ATP9B: variants seen among roughly 807,000 people sequenced by gnomAD.
ATP9B encodes probable phospholipid-transporting ATPase IIB.
ATP9B carries 110 observed loss-of-function variants against 146.1 expected under a neutral mutation model. The observed-to-expected ratio is 0.75, with a 90% CI of 0.65 to 0.88. The LOEUF (loss-of-function observed/expected upper bound fraction) is 0.88. ATP9B is among the 40% of genes least tolerant of loss of function. The pLI is 0.00. For synonymous variants in ATP9B, 604 were observed against 569.7 expected (o/e 1.06, Z -0.86); for missense variants, 1,499 against 1,496.4 (o/e 1.00, Z -0.03).
At chr18:79,175,740 GCA>G (rs2095155532) in intron 7 of ATP9B, among the ~76,000 whole-genome samples, 1 of 151,816 alleles carries the variant, frequency 6.6e-6, no homozygotes, top group South Asian at 2.1e-4. Context: ...ATACACACAA[GCA>G]CACACAAATA....
intron 1 of ATP9B, among the ~76,000 whole-genome samples, chr18:79,094,181 C>T (rs1279572649): frequency 1.3e-5 from 2 of 152,170 alleles, no homozygotes; most frequent in Admixed American, 1.3e-4. Context: ...CTTGTCAGGG[C>T]CTGTTGTGTA....
intron 1 of ATP9B, among the ~76,000 whole-genome samples, chr18:79,078,665 T>C (rs1326403669): frequency 1.4e-5 from 2 of 141,180 alleles, no homozygotes; most frequent in South Asian, 2.2e-4. Flanking sequence ...ATAGTTCAGT[T>C]TTTTTTTTTT....
At chr18:79,121,376 G>A (rs2094186502) in intron 4 of ATP9B, among the ~76,000 whole-genome samples, 2 of 152,156 alleles carry the variant, frequency 1.3e-5, no homozygotes, top group Admixed American at 1.3e-4. Context: ...CTTGCTTCCA[G>A]TTTTGATTTT....
chr18:79,135,579 GT>G (rs2094438021), intron 5 of ATP9B, among the ~76,000 whole-genome samples: 1 of 152,098 alleles, frequency 6.6e-6, no homozygotes, highest in South Asian at 2.1e-4. Flanking sequence ...ACTTCAGTTC[GT>G]TTTCAACCTC....
At chr18:79,264,511 A>T (rs2096180330) in intron 12 of ATP9B, among the ~76,000 whole-genome samples, 1 of 151,390 alleles carries the variant, frequency 6.6e-6, no homozygotes, top group African/African-American at 2.4e-5. Flanking sequence ...AAAAACAGTT[A>T]TTGATTTTAC....
At chr18:79,352,871 A>T (rs997631505) in intron 25 of ATP9B, 1 of 152,238 alleles carries the variant, frequency 6.6e-6, no homozygotes, top group Non-Finnish European at 1.5e-5. Flanking sequence ...TCTTCTAAAC[A>T]TAGTACTAAT....
At chr18:79,159,962 G>T (rs1400861412) in intron 7 of ATP9B, among the ~76,000 whole-genome samples, 5 of 152,130 alleles carry the variant, frequency 3.3e-5, no homozygotes, top group African/African-American at 4.8e-5. Flanking sequence ...CACTCAAAAG[G>T]TTCCATCGAT....
chr18:79,107,840 G>A lies in ATP9B; in HGVS notation c.294-2515G>A, dbSNP rs76449042. On this transcript the variant is annotated intron_variant, in intron 2 of 29. Transcript: ENST00000426216. ...TGAATGGACATGATACTGATGTGGCGGGAGGTTGAGATCCAGGCTCTCGTT... is the reference window on the plus strand; with the variant it reads ...TGAATGGACATGATACTGATGTGGCAGGAGGTTGAGATCCAGGCTCTCGTT... Among the ~76,000 whole-genome samples, 1,016 of 152,200 alleles carry A rather than the reference G, an allele frequency of 6.7e-3. 11 individuals carry two copies. Among genetic ancestry groups the A allele is most frequent in the African/African-American group, 0.023 (971 of 41,512 alleles).
At chr18:79,195,407 G>A (rs2095409108) in intron 9 of ATP9B, among the ~76,000 whole-genome samples, 1 of 152,094 alleles carries the variant, frequency 6.6e-6, no homozygotes, top group Non-Finnish European at 1.5e-5. Flanking sequence ...GAGCCATCGT[G>A]CCTGGGCCAA....
intron 27 of ATP9B, among the ~76,000 whole-genome samples, chr18:79,373,376 G>T (rs1476376253): frequency 1.3e-5 from 2 of 152,056 alleles, no homozygotes; most frequent in South Asian, 2.1e-4. Context: ...AAGTTTGTCT[G>T]CCTCGATTTG....
In ATP9B at chr18:79,368,836, C is replaced by T. The variant is rs536741513; in HGVS notation, c.3013-3989C>T. Among the ~76,000 whole-genome samples the T allele has an allele frequency of 2.2e-4, 34 of 152,106 alleles. No homozygotes were observed. The East Asian group carries it at 6.2e-3, about 28-fold the overall frequency. ...GTCGTTGGCACCCTCGTCGTTGGCA[C>T]GTCTCTACCCTCAGCAGAGCAGGCC... On this transcript the variant is annotated intron_variant, in intron 26 of 29. Transcript: ENST00000426216.
intron 1 of ATP9B, chr18:79,085,628 T>A (rs1273240216): frequency 6.6e-6 from 1 of 152,186 alleles, no homozygotes. Flanking sequence ...GTGTTTTAAG[T>A]GATAGTGGTG....
chr18:79,161,145 G>C (rs980975717), intron 7 of ATP9B, among the ~76,000 whole-genome samples: 1 of 152,112 alleles, frequency 6.6e-6, no homozygotes, highest in Non-Finnish European at 1.5e-5. Context: ...TAGTAAGACA[G>C]AAAAACGTAA....
chr18:79,246,391 G>GTGCGGAGGACACCGCCCTACTGAC (rs1398700983), intron 11 of ATP9B, among the ~76,000 whole-genome samples: 1 of 149,370 alleles, frequency 6.7e-6, no homozygotes, highest in Non-Finnish European at 1.5e-5. Flanking sequence ...CCTACTGACT[G>GTGCGGAGGACACCGCCCTACTGAC]TGAGGAGGAC....
chr18:79,218,096 T>C (rs1052471313), intron 11 of ATP9B, among the ~76,000 whole-genome samples: 7 of 152,216 alleles, frequency 4.6e-5, no homozygotes, highest in Admixed American at 4.6e-4. Flanking sequence ...CGCAGTGGCT[T>C]CCCCAGCGTT....
At chr18:79,152,574 C>T (rs537928523) in intron 6 of ATP9B, among the ~76,000 whole-genome samples, 1 of 152,264 alleles carries the variant, frequency 6.6e-6, no homozygotes, top group East Asian at 1.9e-4. Flanking sequence ...AGCATCCTTA[C>T]CTCTCAAAAA....
intron 15 of ATP9B, among the ~76,000 whole-genome samples, chr18:79,315,540 T>G (rs1213439594): frequency 6.6e-6 from 1 of 152,242 alleles, no homozygotes; most frequent in Non-Finnish European, 1.5e-5. Context: ...AAGTGCATGG[T>G]AAGAAAATGT....
chr18:79,178,398 G>A (rs558611758), intron 8 of ATP9B, among the ~76,000 whole-genome samples: 12 of 152,208 alleles, frequency 7.9e-5, no homozygotes, highest in Non-Finnish European at 1.3e-4. Context: ...TGTGTTGAAC[G>A]TTGTTTTGTG....
intron 4 of ATP9B, among the ~76,000 whole-genome samples, chr18:79,122,521 A>G (rs986034015): frequency 1.3e-5 from 2 of 152,216 alleles, no homozygotes; most frequent in Non-Finnish European, 2.9e-5. Flanking sequence ...GCATTTCATC[A>G]TATGACTGTG....
Sources: allele counts gnomAD v4.1 joint callset (sites outside exome capture counted in the v4.1 genomes callset), GRCh38; gene constraint gnomAD v4.1.1; transcripts MANE v1.5; gene names NCBI Gene and HGNC (gene_info 2026-07-23, HGNC 2026-07-21).